DOCK3: variants seen among roughly 807,000 people sequenced by gnomAD.
DOCK3 encodes dedicator of cytokinesis protein 3.
In DOCK3, 60 loss-of-function variants were observed where a neutral mutation model predicts 265.6. The ratio of observed to expected loss-of-function variants is 0.23; its 90% CI spans 0.18 to 0.28. The LOEUF (loss-of-function observed/expected upper bound fraction) is 0.28, where lower values mean the gene tolerates loss of function less well. Ranked by LOEUF, DOCK3 falls within the 10% of genes least tolerant of loss-of-function variation. The pLI, the probability that DOCK3 is intolerant of heterozygous loss-of-function variation, is 1.00. For missense variants in DOCK3, 1,981 were observed against 2,594.3 expected (o/e 0.76, Z 5.14); for synonymous variants, 881 against 938.0 (o/e 0.94, Z 1.11).
intron 12 of DOCK3, among the ~76,000 whole-genome samples, chr3:51,192,635 C>G (rs1483483961): frequency 1.3e-5 from 2 of 152,072 alleles, no homozygotes; most frequent in African/African-American, 2.4e-5. Flanking sequence ...AGTCTGCTAG[C>G]TAACTCAGGC....
chr3:51,101,666 G>C (rs1321858409), intron 9 of DOCK3, among the ~76,000 whole-genome samples: 1 of 152,178 alleles, frequency 6.6e-6, no homozygotes, highest in Non-Finnish European at 1.5e-5. Flanking sequence ...AGCCTGCTAT[G>C]AGCTGGTAAC....
At chr3:51,189,542 C>T (rs536213358) in intron 12 of DOCK3, among the ~76,000 whole-genome samples, 2 of 152,274 alleles carry the variant, frequency 1.3e-5, no homozygotes, top group East Asian at 3.9e-4. Flanking sequence ...AGTTACTTCA[C>T]TTACAATAAG....
chr3:51,328,471 C>T (rs961859218), intron 32 of DOCK3, among the ~76,000 whole-genome samples: 2 of 152,072 alleles, frequency 1.3e-5, no homozygotes, highest in East Asian at 3.9e-4. Context: ...CCTGCTTATG[C>T]CTCTTCTCTA....
At chr3:50,784,414 C>T (rs1484491775) in intron 2 of DOCK3, among the ~76,000 whole-genome samples, 1 of 152,114 alleles carries the variant, frequency 6.6e-6, no homozygotes, top group Admixed American at 6.5e-5. Context: ...TGACTATAGC[C>T]TTATAGTATG....
At chr3:50,865,442 G>A (rs2047094841) in intron 3 of DOCK3, among the ~76,000 whole-genome samples, 1 of 152,180 alleles carries the variant, frequency 6.6e-6, no homozygotes, top group South Asian at 2.1e-4. Flanking sequence ...TTAACATAGT[G>A]ATCTCTAGTT....
At chr3:51,049,146 C>A (rs2080892744) in intron 5 of DOCK3, among the ~76,000 whole-genome samples, 2 of 152,008 alleles carry the variant, frequency 1.3e-5, no homozygotes, top group African/African-American at 2.4e-5. Context: ...GGCAACATGG[C>A]AAGACCTTGT....
At position 51,193,415 on chromosome 3, in the gene DOCK3, G is replaced by C. The variant is rs202010132; in HGVS notation, c.1038-15359G>C. On this transcript the variant is annotated intron_variant, in intron 12 of 52. Transcript: ENST00000266037. The stretch of plus-strand genomic sequence containing the variant: ...GTGTTCTTGCCTGGTTTTGGTATCA[G>C]AGTAGTGATGATCTTGTAGGATGAA... 3.9e-5 allele frequency among the ~76,000 whole-genome samples: 6 copies of C among 152,318 alleles called. No homozygotes were observed. The East Asian group carries it at 1.2e-3, about 29-fold the overall frequency.
intron 2 of DOCK3, among the ~76,000 whole-genome samples, chr3:50,824,090 C>T (rs2044616997): frequency 6.6e-6 from 1 of 152,204 alleles, no homozygotes; most frequent in Non-Finnish European, 1.5e-5. Context: ...AGAAAGACCA[C>T]TGAGAGTCTA....
chr3:51,068,687 C>T (rs2081721048), intron 6 of DOCK3, among the ~76,000 whole-genome samples: 1 of 152,004 alleles, frequency 6.6e-6, no homozygotes. Flanking sequence ...GTATTTGTAC[C>T]TAGAACTGAT....
At chr3:51,017,485 T>C (rs950636572) in intron 5 of DOCK3, among the ~76,000 whole-genome samples, 10 of 151,850 alleles carry the variant, frequency 6.6e-5, no homozygotes, top group African/African-American at 2.4e-4. Context: ...CTTTTAGACA[T>C]GGGTACTTGT....
chr3:50,979,151 CG>C (rs1179897354), intron 5 of DOCK3, among the ~76,000 whole-genome samples: 2 of 152,164 alleles, frequency 1.3e-5, no homozygotes, highest in Non-Finnish European at 2.9e-5. Context: ...TGTTCCTATT[CG>C]GCCATCTTGG....
intron 5 of DOCK3, among the ~76,000 whole-genome samples, chr3:50,982,233 A>G (rs1343639756): frequency 1.3e-5 from 2 of 152,168 alleles, no homozygotes; most frequent in African/African-American, 4.8e-5. Flanking sequence ...CGGTCTGTAT[A>G]TTTTAAGTGG....
At chr3:51,122,998 A>G (rs1339498566) in intron 9 of DOCK3, among the ~76,000 whole-genome samples, 3 of 152,206 alleles carry the variant, frequency 2.0e-5, no homozygotes, top group Admixed American at 1.3e-4. Flanking sequence ...CCTTTAAAGC[A>G]TAAAAGACCC....
intron 27 of DOCK3, among the ~76,000 whole-genome samples, chr3:51,284,563 A>C (rs188162655): frequency 6.6e-6 from 1 of 152,312 alleles, no homozygotes; most frequent in African/African-American, 2.4e-5. Flanking sequence ...AGGGGCAGGA[A>C]CATGCAGCTC....
At chr3:51,306,474 T>C (rs749173783) in intron 27 of DOCK3, among the ~76,000 whole-genome samples, 2 of 152,216 alleles carry the variant, frequency 1.3e-5, no homozygotes, top group Non-Finnish European at 2.9e-5. Context: ...TGGAAAGTTT[T>C]TGCCCATTAT....
At position 51,374,513 on chromosome 3, in the gene DOCK3, ATGT is replaced by A. The variant is rs548892600; in HGVS notation, c.5344_5346del (p.Leu1783del). ...TAAGTACCGCCATGCCCGTGAAATG[ATGT>A]TGTTGCTGCCCACATACCGGGACCG... On this transcript the variant is annotated inframe_deletion, in exon 50 of 53. Coordinates refer to ENST00000266037, the MANE Select transcript of DOCK3 (RefSeq NM_004947.5). The surrounding 1 kb of genome is among the most constrained non-coding windows in gnomAD (Gnocchi z 4.8). 2.2e-3 allele frequency: 3,524 copies of A among 1,613,858 alleles called. 5 individuals are homozygous for A. The highest frequency in any genetic ancestry group is 2.7e-3 in the Non-Finnish European group (3,170 of 1,179,852).
intron 51 of DOCK3, among the ~76,000 whole-genome samples, chr3:51,376,334 G>T (rs780248728): frequency 1.1e-4 from 16 of 152,174 alleles, no homozygotes; most frequent in Non-Finnish European, 2.1e-4. Flanking sequence ...CCCCAAAGGA[G>T]TCCGGTCCTT....
At chr3:50,728,225 A>G (rs1158810037) in intron 1 of DOCK3, among the ~76,000 whole-genome samples, 2 of 152,236 alleles carry the variant, frequency 1.3e-5, no homozygotes, top group African/African-American at 4.8e-5. Flanking sequence ...ATATTTTGTC[A>G]TGCAGGGTAG....
chr3:51,024,531 A>G (rs1275725808), intron 5 of DOCK3, among the ~76,000 whole-genome samples: 1 of 152,108 alleles, frequency 6.6e-6, no homozygotes, highest in Non-Finnish European at 1.5e-5. Context: ...GAAGGGTGAG[A>G]GCTACCTCAG....
Sources: gnomAD v4.1 joint callset for allele counts (sites outside exome capture counted in the v4.1 genomes callset) on GRCh38, gnomAD v4.1.1 for gene constraint, Gnocchi (gnomAD v3.1) non-coding constraint, MANE v1.5 for transcripts, NCBI Gene and HGNC (gene_info 2026-07-23, HGNC 2026-07-21) for gene names.